CCM2L: variants seen among roughly 807,000 people sequenced by gnomAD.
CCM2L encodes cerebral cavernous malformations 2 protein-like.
A neutral mutation model predicts 54.1 loss-of-function variants in CCM2L; 36 were observed. The observed-to-expected ratio is 0.67, with a 90% confidence interval of 0.51 to 0.88. CCM2L has a LOEUF of 0.88. Among genes scored for constraint, CCM2L ranks in the 40% least tolerant of loss-of-function variants. The probability of loss-of-function intolerance (pLI) is 0.00; values close to 1 mark genes in which losing one functional copy is unlikely to be tolerated. For synonymous variants in CCM2L, 351 were observed against 359.3 expected, an observed-to-expected ratio of 0.98 and a Z score of 0.26; for missense variants, 700 against 812.1, an observed-to-expected ratio of 0.86 and a Z score of 1.68.
At chr20:32,014,262 T>TATA (rs571156611) in intron 1 of CCM2L, among the ~76,000 whole-genome samples, 49 of 105,094 alleles carry the variant, frequency 4.7e-4, no homozygotes, top group African/African-American at 1.4e-3. Flanking sequence ...TATATATATA[T>TATA]TTTTTTTTTT....
intron 7 of CCM2L, among the ~76,000 whole-genome samples, chr20:32,027,309 T>C (rs1363717990): frequency 6.6e-6 from 1 of 152,278 alleles, no homozygotes; most frequent in East Asian, 1.9e-4. Context: ...CCTCATACTG[T>C]ATGCCCTTAG....
chr20:32,029,969 C>A, intron 9 of CCM2L, 131 bp downstream of exon 9: 2 of 1,190,506 alleles, frequency 1.7e-6, no homozygotes, highest in Non-Finnish European at 2.2e-6. Flanking sequence ...TCATGAGATT[C>A]ACAGGGCAGA....
At chr20:32,019,576 G>A (rs577401874) in intron 5 of CCM2L, among the ~76,000 whole-genome samples, 167 bp downstream of exon 5, 56 of 151,618 alleles carry the variant, frequency 3.7e-4, no homozygotes, top group Non-Finnish European at 7.4e-4. Flanking sequence ...ACACCTCCAG[G>A]GCATCTCCCC....
chr20:32,019,546 C>T (rs995975873), intron 5 of CCM2L, 137 bp downstream of exon 5: 13 of 555,398 alleles, frequency 2.3e-5, no homozygotes, highest in Non-Finnish European at 3.8e-5. Context: ...CACCTAATGG[C>T]TCCTAAACTC....
In CCM2L at chr20:32,018,844, C is replaced by T. The variant is rs560923978; in HGVS notation, c.467-99C>T. ...AGCCGGGGGCGAGGCGGCGGTGGAA[C>T]CCCAGAGCCGCGAGGTCAGGTGGCC... On this transcript the variant is annotated intron_variant, in intron 4 of 9. Coordinates refer to ENST00000452892, the MANE Select transcript of CCM2L (RefSeq NM_001365692.1). 887 of 1,197,986 alleles carry T rather than the reference C, an allele frequency of 7.4e-4. 2 individuals are homozygous for T. The African/African-American group carries it at 0.013, about 18-fold the overall frequency. The allele number at this position is 1,197,986 out of a possible 1,614,324, so 74.2% of individuals were successfully genotyped here.
At position 32,022,764 on chromosome 20, in the gene CCM2L, C is replaced by T. The variant is rs1168189587; in HGVS notation, c.1038C>T (p.Ser346=). The change falls in exon 6 of 10, where the codon TCC becomes TCT. Residue 346 remains serine (S), a synonymous_variant. Transcript: ENST00000452892. ...ACCGGGCTGGCTACCACTACACATC[C>T]ACACCTGAACGGCCATGGCTCTGCA... ...CVDRAGYHYT[S]TPERPWLCSR... 4 of 1,613,416 alleles carry T rather than the reference C, an allele frequency of 2.5e-6. No homozygotes were observed. In the East Asian group the frequency reaches 8.9e-5, roughly 36 times the overall value.
intron 1 of CCM2L, among the ~76,000 whole-genome samples, chr20:32,014,261 A>ATTTTT (rs5841095): frequency 7.6e-6 from 1 of 132,238 alleles, no homozygotes; most frequent in Non-Finnish European, 1.6e-5. Context: ...ATATATATAT[A>ATTTTT]TTTTTTTTTT....
chr20:32,024,504 G>A (rs1164569399), intron 6 of CCM2L, among the ~76,000 whole-genome samples: 1 of 152,210 alleles, frequency 6.6e-6, no homozygotes, highest in Non-Finnish European at 1.5e-5. Flanking sequence ...GAGGCAGGCT[G>A]ACAGTGATTA....
chr20:32,017,941 G>T, intron 3 of CCM2L, 38 bp from the exon 4 acceptor site: 1 of 1,613,302 alleles, frequency 6.2e-7, no homozygotes, highest in Non-Finnish European at 8.5e-7. Flanking sequence ...TCTTCTACCT[G>T]CGGACCTCGG....
Position 32,018,384 on chromosome 20 carries a change from T to G in CCM2L, c.466+222T>G, listed in dbSNP as rs185138373. Among the ~76,000 whole-genome samples the G allele has an allele frequency of 1.2e-3, 185 of 150,508 alleles. 1 individual carries two copies. The highest frequency in any genetic ancestry group is 4.3e-3 in the African/African-American group (177 of 40,928). On this transcript the variant is annotated intron_variant, in intron 4 of 9. Transcript: ENST00000452892. The stretch of plus-strand genomic sequence containing the variant: ...CTGGGAAAGCAGACAGGGCCTGAGG[T>G]TGAGGATGAAGGTGGGTGGCCTGAG...
In CCM2L at chr20:32,031,181, A is replaced by G; in HGVS notation, c.1583A>G (p.Gln528Arg). ...GGCGCGGCGCAGCGGCCCGAGGCACAGGCCTTCCACCGGCTGCTGGCTGAC... is the reference window on the plus strand; with the variant it reads ...GGCGCGGCGCAGCGGCCCGAGGCACGGGCCTTCCACCGGCTGCTGGCTGAC... ...YDGAAQRPEA[Q>R]AFHRLLADIT... Residue 528 changes from glutamine to arginine, a missense_variant, in exon 10 of 10, where the codon CAG (glutamine) becomes CGG (arginine). By Grantham distance (43) the Gln-to-Arg change is conservative. Transcript: ENST00000452892. 7.7e-7 allele frequency: 1 copy of G among 1,302,152 alleles called. No homozygotes were observed. The highest frequency in any genetic ancestry group is 1.0e-6 in the Non-Finnish European group (1 of 988,492). The allele number at this position is 1,302,152 out of a possible 1,614,324, so 80.7% of individuals were successfully genotyped here.
At position 32,014,926 on chromosome 20, in the gene CCM2L, G is replaced by A. The variant is rs1160234442; in HGVS notation, c.53G>A (p.Arg18Lys). 7 of 1,600,552 alleles carry A rather than the reference G, an allele frequency of 4.4e-6. No individual in the cohort carries two copies. The East Asian group carries it at 1.6e-4, about 38-fold the overall frequency. Reference sequence around the variant, plus strand: ...CAGGGCTTTGTATCCCCCATCCGAAGGCTGGTGTTCCCCAAGGCCGGGCGC... The same window carrying A: ...CAGGGCTTTGTATCCCCCATCCGAAAGCTGGTGTTCCCCAAGGCCGGGCGC... ...GKKGFVSPIR[R>K]LVFPKAGRRA... Residue 18 changes from arginine to lysine, a missense_variant, in exon 2 of 10, where the codon AGG (arginine) becomes AAG (lysine). Physicochemically the swap from Arg to Lys is conservative, Grantham distance 26. Coordinates refer to ENST00000452892, the MANE Select transcript of CCM2L (RefSeq NM_001365692.1).
intron 2 of CCM2L, 71 bp downstream of exon 2, chr20:32,015,142 T>C: frequency 7.2e-7 from 1 of 1,386,558 alleles, no homozygotes; most frequent in Non-Finnish European, 9.6e-7. Flanking sequence ...TGACACCAAG[T>C]TCTGATCAGC....
intron 4 of CCM2L, 52 bp downstream of exon 4, chr20:32,018,214 AGGGGCGGGGGCGGGGGC>A (rs1375016348): frequency 2.6e-3 from 20 of 7,716 alleles, no homozygotes; most frequent in East Asian, 0.023. Flanking sequence ...GGGGCGGGGG[AGGGGCGGGGGCGGGGGC>A]GGGGCAGGGG....
intron 5 of CCM2L, 113 bp downstream of exon 5, chr20:32,019,522 C>G (rs945831707): frequency 2.8e-6 from 2 of 709,898 alleles, no homozygotes; most frequent in African/African-American, 3.8e-5. Flanking sequence ...CCTGCCTTCT[C>G]CCTGCACCTG....
At chr20:32,028,308 C>T (rs1403964404) in intron 7 of CCM2L, 1 of 152,042 alleles carries the variant, frequency 6.6e-6, no homozygotes, top group African/African-American at 2.4e-5. Flanking sequence ...GTGGCACATG[C>T]TTGTAGTCCC....
Position 32,018,092 on chromosome 20 carries a change from C to T in CCM2L, c.396C>T (p.Ile132=), listed in dbSNP as rs2064756046. 6 of 1,612,774 alleles carry T rather than the reference C, an allele frequency of 3.7e-6. No individual in the cohort carries two copies. The highest frequency in any genetic ancestry group is 5.1e-6 in the Non-Finnish European group (6 of 1,179,856). ...WRDNEELILR[I]PTHEIAAASY... The stretch of plus-strand genomic sequence containing the variant: ...ACAATGAAGAGCTCATTCTGCGAAT[C>T]CCTACGCACGAGATCGCCGCCGCCT... Residue 132 remains isoleucine (I), a synonymous_variant, in exon 4 of 10, where the codon ATC becomes ATT. Transcript: ENST00000452892.
chr20:32,028,870 G>A, intron 7 of CCM2L, 125 bp from the exon 8 acceptor site: 1 of 1,250,292 alleles, frequency 8.0e-7, no homozygotes, highest in Non-Finnish European at 1.1e-6. Flanking sequence ...GAGGTGCCAG[G>A]GGCCAGGGTA....
chr20:32,029,201 T>C, intron 8 of CCM2L, 77 bp downstream of exon 8: 1 of 1,595,624 alleles, frequency 6.3e-7, no homozygotes, highest in South Asian at 1.1e-5. Flanking sequence ...AATGGCACAT[T>C]GCCCTGGACA....
Sources: allele counts gnomAD v4.1 joint callset (sites outside exome capture counted in the v4.1 genomes callset), GRCh38; gene constraint gnomAD v4.1.1; transcripts MANE v1.5; gene names NCBI Gene and HGNC (gene_info 2026-07-23, HGNC 2026-07-21).